CEP152: variants seen among roughly 807,000 people sequenced by gnomAD.
CEP152 encodes centrosomal protein 152, also known as centrosomal protein of 152 kDa.
A neutral mutation model predicts 188.9 loss-of-function variants in CEP152; 132 were observed. The observed-to-expected ratio is 0.70, with a 90% CI of 0.61 to 0.81. The LOEUF is 0.81. CEP152 is among the 30% of genes least tolerant of loss of function. CEP152 has a pLI of 0.00. For synonymous variants in CEP152, 649 were observed against 666.6 expected, an observed-to-expected ratio of 0.97 and a Z score of 0.41; for missense variants, 1,914 against 1,969.8, an observed-to-expected ratio of 0.97 and a Z score of 0.54.
intron 12 of CEP152, among the ~76,000 whole-genome samples, chr15:48,776,975 C>A (rs1175033704): frequency 6.6e-6 from 1 of 151,960 alleles, no homozygotes; most frequent in African/African-American, 2.4e-5. Flanking sequence ...TCTTTCTCCA[C>A]AAAACCCATG....
chr15:48,733,575 G>A (rs1892496419), downstream of CEP152, among the ~76,000 whole-genome samples: 1 of 152,114 alleles, frequency 6.6e-6, no homozygotes, highest in African/African-American at 2.4e-5. Context: ...GCCCCAGAAA[G>A]AGGAAACGAG....
Position 48,767,098 on chromosome 15 carries a change from T to TGA in CEP152, c.2240_2241dup (p.Arg748SerfsTer35). Reference sequence around the variant, plus strand: ...TGTTGCTCCTTTTCAGTGGTCTTCCTGAGAGTCAATTCTAGATTATCCTTC... The same window carrying TGA: ...TGTTGCTCCTTTTCAGTGGTCTTCCTGAGAGAGTCAATTCTAGATTATCCTTC... On this transcript the variant is annotated frameshift_variant, in exon 17 of 27. Transcript: ENST00000380950. LOFTEE classifies it high-confidence loss of function. 6.2e-7 allele frequency: 1 copy of TGA among 1,613,522 alleles called. No homozygotes were observed. Among genetic ancestry groups the TGA allele is most frequent in the East Asian group, 2.2e-5 (1 of 44,860 alleles).
chr15:48,781,436 G>A, intron 11 of CEP152, 77 bp from the exon 12 acceptor site: 1 of 1,262,744 alleles, frequency 7.9e-7, no homozygotes, highest in Middle Eastern at 2.7e-4. Context: ...TTCAAAATTT[G>A]TTTTAATGAT....
Position 48,756,064 on chromosome 15 carries a change from T to C in CEP152, c.3184A>G (p.Ile1062Val). Residue 1062 changes from isoleucine (I) to valine (V), a missense_variant, in exon 20 of 27, where the codon ATC becomes GTC. Transcript: ENST00000380950. The stretch of plus-strand genomic sequence containing the variant: ...AGCTGCTTGTCCTCAGAATCACTGA[T>C]GTGCTCCTTTTGGGTATCACTTAAA... The part of the protein sequence containing the change: ...VLLSDTQKEH[I>V]SDSEDKQLLE... 6.2e-7 allele frequency: 1 copy of C among 1,614,154 alleles called. No homozygotes were observed. The highest frequency in any genetic ancestry group is 8.5e-7 in the Non-Finnish European group (1 of 1,179,998).
At chr15:48,807,274 G>A (rs1477729219) in intron 1 of CEP152, among the ~76,000 whole-genome samples, 1 of 152,138 alleles carries the variant, frequency 6.6e-6, no homozygotes, top group Non-Finnish European at 1.5e-5. Flanking sequence ...ATATGAATAT[G>A]ATAAAAAGCC....
At chr15:48,769,188 A>C in intron 13 of CEP152, 107 bp from the exon 14 acceptor site, 1 of 878,194 alleles carries the variant, frequency 1.1e-6, no homozygotes, top group Non-Finnish European at 1.8e-6. Flanking sequence ...AATAATCTCC[A>C]TATAGCTTTT....
Position 48,748,517 on chromosome 15 carries a change from C to T in CEP152, c.3560G>A (p.Gly1187Glu). 1 of 1,535,074 alleles carries T rather than the reference C, an allele frequency of 6.5e-7. No individual in the cohort carries two copies. The highest frequency in any genetic ancestry group is 8.7e-7 in the Non-Finnish European group (1 of 1,146,310). ...KAKQECQDLK[G>E]KLEKCCRHLQ... ...ATGCCTACAGCATTTCTCCAGTTTT[C>T]CTTTCAGATCTTGACATTCCTGCTT... The change falls in exon 22 of 27, where the codon GGA becomes GAA. Residue 1187 changes from glycine (G) to glutamate (E), a missense_variant. Coordinates refer to ENST00000380950, the MANE Select transcript of CEP152 (RefSeq NM_001194998.2).
chr15:48,790,782 G>C (rs1165010758), intron 8 of CEP152, among the ~76,000 whole-genome samples: 1 of 152,114 alleles, frequency 6.6e-6, no homozygotes, highest in Non-Finnish European at 1.5e-5. Flanking sequence ...TGGCCAGGCT[G>C]GTCTCAAACT....
rs1177893291 is a variant in CEP152, at chr15:48,798,106, C to T, written c.88-55G>A. The stretch of plus-strand genomic sequence containing the variant: ...ACCAACTTAAACACAAGACACCAAG[C>T]CAAAGCTGCCTTGGAACGAGTGGTT... On this transcript the variant is annotated intron_variant, in intron 2 of 26. Coordinates refer to ENST00000380950, the MANE Select transcript of CEP152 (RefSeq NM_001194998.2). The T allele has an allele frequency of 3.5e-6, 5 of 1,416,056 alleles. No homozygotes were observed. In the Admixed American group the frequency reaches 5.1e-5, roughly 15 times the overall value. The allele number at this position is 1,416,056 out of a possible 1,614,324, so 87.7% of individuals were successfully genotyped here.
At chr15:48,745,031 A>AT in intron 22 of CEP152, 39 bp from the exon 23 acceptor site, 1 of 1,449,524 alleles carries the variant, frequency 6.9e-7, no homozygotes, top group Non-Finnish European at 9.4e-7. Context: ...ACAGTTAAAA[A>AT]TTTTTTAAGC....
chr15:48,797,800 C>G, intron 3 of CEP152, 70 bp from the exon 4 acceptor site: 1 of 1,573,704 alleles, frequency 6.4e-7, no homozygotes, highest in South Asian at 1.1e-5. Context: ...CAAAGAACCC[C>G]AAGATTTTAA....
chr15:48,769,818 A>G (rs1418011606), intron 13 of CEP152, among the ~76,000 whole-genome samples: 2 of 152,190 alleles, frequency 1.3e-5, no homozygotes, highest in Admixed American at 1.3e-4. Context: ...TTTAAGACTC[A>G]TGATAGACTT....
At chr15:48,808,075 A>C (rs1898100895) in intron 1 of CEP152, among the ~76,000 whole-genome samples, 2 of 152,138 alleles carry the variant, frequency 1.3e-5, no homozygotes, top group Non-Finnish European at 2.9e-5. Flanking sequence ...TTAAGAAATG[A>C]TTTCAGACAT....
chr15:48,745,062 C>A, intron 22 of CEP152, 70 bp from the exon 23 acceptor site: 2 of 1,094,994 alleles, frequency 1.8e-6, no homozygotes, highest in Non-Finnish European at 1.3e-6. Context: ...CTTAAGTTCC[C>A]AATACAAATG....
intron 24 of CEP152, 78 bp from the exon 25 acceptor site, chr15:48,742,178 A>G (rs2140567819): frequency 1.5e-6 from 2 of 1,294,582 alleles, no homozygotes; most frequent in East Asian, 4.6e-5. Flanking sequence ...CAGACTTCAG[A>G]TCAATTTTCT....
intron 19 of CEP152, among the ~76,000 whole-genome samples, chr15:48,759,216 AGTT>A (rs1894500024): frequency 6.6e-6 from 1 of 152,006 alleles, no homozygotes; most frequent in Admixed American, 6.6e-5. Context: ...CTCAAAACTG[AGTT>A]GTTATTATGG....
intron 20 of CEP152, 67 bp from the exon 21 acceptor site, chr15:48,752,536 C>A: frequency 6.4e-7 from 1 of 1,560,252 alleles, no homozygotes; most frequent in Admixed American, 1.8e-5. Flanking sequence ...ATTTAAAATG[C>A]TAATATTAAA....
intron 13 of CEP152, among the ~76,000 whole-genome samples, chr15:48,771,256 T>C (rs1054821238): frequency 2.1e-5 from 3 of 143,448 alleles, no homozygotes; most frequent in Admixed American, 6.7e-5. Flanking sequence ...TTGTCTGAAA[T>C]TGGCTCTGTA....
At chr15:48,802,563 A>T (rs1409139634) in intron 2 of CEP152, among the ~76,000 whole-genome samples, 2 of 152,124 alleles carry the variant, frequency 1.3e-5, no homozygotes, top group African/African-American at 2.4e-5. Context: ...AACTTTTACT[A>T]ATGTACCATT....
Sources: gnomAD v4.1 joint callset for allele counts (sites outside exome capture counted in the v4.1 genomes callset) on GRCh38, gnomAD v4.1.1 for gene constraint, MANE v1.5 for transcripts, NCBI Gene and HGNC (gene_info 2026-07-23, HGNC 2026-07-21) for gene names.